The following PRPH variants were observed in gnomAD, a reference collection of about 807,000 sequenced individuals.
The protein encoded by PRPH is peripherin, also known as neurofilament 4 (57kD).
A neutral mutation model predicts 52.6 loss-of-function variants in PRPH; 48 were observed. The ratio of observed to expected loss-of-function variants is 0.91; its 90% CI spans 0.72 to 1.16. The LOEUF (loss-of-function observed/expected upper bound fraction) is 1.16. Ranked by LOEUF, PRPH falls within the 50% of genes most tolerant of loss-of-function variation. PRPH has a pLI of 0.00. For missense variants in PRPH, 579 were observed against 635.7 expected (o/e 0.91, Z 0.96); for synonymous variants, 279 against 283.8 (o/e 0.98, Z 0.17).
At position 49,297,274 on chromosome 12, in the gene PRPH, G is replaced by A. The variant is rs73112142; in HGVS notation, c.996+1G>A. On this transcript the variant is annotated splice_donor_variant, in intron 5 of 8. Transcript: ENST00000257860. LOFTEE classifies it high-confidence loss of function. The surrounding 1 kb of genome is among the most constrained non-coding windows in gnomAD (Gnocchi z 4.4). The stretch of plus-strand genomic sequence containing the variant: ...CGAGGTGGACGGGCTGCGCGGCACG[G>A]TGAGTACGAAGCTGCGCGCTCGGGC... The A allele has an allele frequency of 4.6e-3, 7,348 of 1,613,890 alleles. 34 individuals carry two copies. Among genetic ancestry groups the A allele is most frequent in the Non-Finnish European group, 4.8e-3 (5,650 of 1,179,960 alleles).
chr12:49,296,295 A>G lies in PRPH; in HGVS notation c.606+57A>G, dbSNP rs2137038865. ...CCCCACCGCTACCCCCGATCTCAGT[A>G]TCCAGAGGTGGCATCGGTGGGCGCG... On this transcript the variant is annotated intron_variant, in intron 2 of 8. Coordinates refer to ENST00000257860, the MANE Select transcript of PRPH (RefSeq NM_006262.4). The surrounding 1 kb of genome is among the most constrained non-coding windows in gnomAD (Gnocchi z 5.1). The G allele has an allele frequency of 1.3e-6, 2 of 1,599,934 alleles. No individual in the cohort carries two copies. The highest frequency in any genetic ancestry group is 4.5e-5 in the East Asian group (2 of 44,686).
Position 49,295,413 on chromosome 12 carries a change from G to T in PRPH, c.213G>T (p.Leu71=), listed in dbSNP as rs1223374982. Residue 71 remains leucine (L), a synonymous_variant, in exon 1 of 9, where the codon CTG becomes CTT. Transcript: ENST00000257860. ...RSPRAGAGAL[L]RLPSERLDFS... ...CCCGAGCGGGAGCGGGCGCCCTCCTGCGCCTGCCCTCGGAGCGCCTCGACT... is the reference window on the plus strand; with the variant it reads ...CCCGAGCGGGAGCGGGCGCCCTCCTTCGCCTGCCCTCGGAGCGCCTCGACT... 7 of 1,605,182 alleles carry T rather than the reference G, an allele frequency of 4.4e-6. No individual in the cohort carries two copies. The East Asian group carries it at 1.6e-4, about 36-fold the overall frequency.
At chr12:49,298,124 G>T in intron 8 of PRPH, 87 bp downstream of exon 8, 3 of 1,522,090 alleles carry the variant, frequency 2.0e-6, no homozygotes, top group Non-Finnish European at 9.0e-7. Flanking sequence ...CTTACTTAGG[G>T]TGGGTAATTC....
At position 49,297,531 on chromosome 12, in the gene PRPH, A is replaced by T; in HGVS notation, c.1171A>T (p.Ile391Phe). 6.2e-7 allele frequency: 1 copy of T among 1,604,454 alleles called. No individual in the cohort carries two copies. The change falls in exon 6 of 9, where the codon ATC (isoleucine) becomes TTC (phenylalanine). Residue 391 changes from isoleucine (I) to phenylalanine (F), a missense_variant. Coordinates refer to ENST00000257860, the MANE Select transcript of PRPH (RefSeq NM_006262.4). This position sits in a 1 kb window ranked among gnomAD's most constrained non-coding sequence, Gnocchi z 4.4. ...ELLNVKMALD[I>F]EIATYRKLLE... ...CCTCAACGTCAAGATGGCCCTGGACATCGAGATCGCCACCTACCGCAAGCT... is the reference window on the plus strand; with the variant it reads ...CCTCAACGTCAAGATGGCCCTGGACTTCGAGATCGCCACCTACCGCAAGCT...
chr12:49,297,602 G>C lies in PRPH; in HGVS notation c.1217+25G>C, dbSNP rs761451745. 5 of 1,609,320 alleles carry C rather than the reference G, an allele frequency of 3.1e-6. No homozygotes were observed. The South Asian group carries it at 5.5e-5, about 18-fold the overall frequency. ...GGTGAGGGTGGAGCTGCTGGGGCGG[G>C]GCAGGGCGGGGTCGGGACTGGGCCG... On this transcript the variant is annotated intron_variant, in intron 6 of 8. Transcript: ENST00000257860. This position sits in a 1 kb window ranked among gnomAD's most constrained non-coding sequence, Gnocchi z 4.4.
In PRPH at chr12:49,296,469, A is replaced by G. The variant is rs1943181286; in HGVS notation, c.644A>G (p.Glu215Gly). Residue 215 changes from glutamate to glycine, a missense_variant, in exon 3 of 9, where the codon GAG becomes GGG. Transcript: ENST00000257860. The surrounding 1 kb of genome is among the most constrained non-coding windows in gnomAD (Gnocchi z 5.1). ...DDATLSRLELERKIESLMDEI... is the reference protein window; with the variant it reads ...DDATLSRLELGRKIESLMDEI... ...GCCACTCTGTCCCGCCTGGAACTAG[A>G]GCGCAAGATTGAGTCTCTGATGGAT... 3 of 1,614,142 alleles carry G rather than the reference A, an allele frequency of 1.9e-6. No individual in the cohort carries two copies. Among genetic ancestry groups the G allele is most frequent in the Admixed American group, 1.7e-5 (1 of 60,022 alleles).
rs1943217503 is a variant in PRPH at position 49,298,332 on chromosome 12, G to C, written c.1392G>C (p.Lys464Asn). ...AGGAGCAGCGCAGTGAGCTGGACAA[G>C]TCTTCTGCCCACAGTTACTGAACCC... is the stretch of plus-strand genomic sequence containing the variant. ...SQKEQRSELDKSSAHSY is the reference protein window; with the variant it reads ...SQKEQRSELDNSSAHSY The change falls in exon 9 of 9, where the codon AAG becomes AAC. Residue 464 changes from lysine (K) to asparagine (N), a missense_variant. Coordinates refer to ENST00000257860, the MANE Select transcript of PRPH (RefSeq NM_006262.4). 2 of 1,614,076 alleles carry C rather than the reference G, an allele frequency of 1.2e-6. No homozygotes were observed. Among genetic ancestry groups the C allele is most frequent in the Non-Finnish European group, 1.7e-6 (2 of 1,180,038 alleles).
In PRPH at chr12:49,297,694, A is replaced by G; in HGVS notation, c.1235A>G (p.His412Arg). The change falls in exon 7 of 9, where the codon CAT becomes CGT. Residue 412 changes from histidine (H) to arginine (R), a missense_variant. His to Arg is a conservative substitution (Grantham distance 29). Coordinates refer to ENST00000257860, the MANE Select transcript of PRPH (RefSeq NM_006262.4). The surrounding 1 kb of genome is among the most constrained non-coding windows in gnomAD (Gnocchi z 4.4). ...GCCTCTAGGATCTCCGTGCCCGTCC[A>G]TTCTTTTGCCTCCTTAAATATAAAG... The part of the protein sequence containing the change: ...GEESRISVPV[H>R]SFASLNIKTT... The G allele has an allele frequency of 6.2e-7, 1 of 1,613,700 alleles. No homozygotes were observed. The highest frequency in any genetic ancestry group is 8.5e-7 in the Non-Finnish European group (1 of 1,180,028).
Position 49,296,731 on chromosome 12 carries a change from T to G in PRPH, c.703-158T>G, listed in dbSNP as rs1244320048. ...GGGGCTGTACCTCCGAAACCTGGCC[T>G]CTGGTCTCGCGCCCGCGGGGGCGCA... On this transcript the variant is annotated intron_variant, in intron 3 of 8. Coordinates refer to ENST00000257860, the MANE Select transcript of PRPH (RefSeq NM_006262.4). This position sits in a 1 kb window ranked among gnomAD's most constrained non-coding sequence, Gnocchi z 5.1. 7.8e-7 allele frequency: 1 copy of G among 1,278,392 alleles called. No homozygotes were observed. The allele number at this position is 1,278,392 out of a possible 1,614,324, so 79.2% of individuals were successfully genotyped here.
At position 49,297,046 on chromosome 12, in the gene PRPH, A is replaced by G. The variant is rs372095080; in HGVS notation, c.860A>G (p.Tyr287Cys). ...AACCTGCAGGAGGCGGAGGAGTGGT[A>G]CAAGTCCAAGGTGCAAGAGCCGGGA... ...AKNLQEAEEWYKSKYADLSDA... is the reference protein window; with the variant it reads ...AKNLQEAEEWCKSKYADLSDA... The change falls in exon 4 of 9, where the codon TAC becomes TGC. Residue 287 changes from tyrosine to cysteine, a missense_variant. Transcript: ENST00000257860. The surrounding 1 kb of genome is among the most constrained non-coding windows in gnomAD (Gnocchi z 4.4). 7 of 1,613,740 alleles carry G rather than the reference A, an allele frequency of 4.3e-6. No individual in the cohort carries two copies. The African/African-American group carries it at 5.3e-5, about 12-fold the overall frequency.
In PRPH at chr12:49,295,451, A is replaced by C; in HGVS notation, c.251A>C (p.Glu84Ala). 1 of 1,607,998 alleles carries C rather than the reference A, an allele frequency of 6.2e-7. No homozygotes were observed. Among genetic ancestry groups the C allele is most frequent in the Non-Finnish European group, 8.5e-7 (1 of 1,177,896 alleles). The part of the protein sequence containing the change: ...PSERLDFSMA[E>A]ALNQEFLATR... ...GAGCGCCTCGACTTCTCCATGGCCG[A>C]GGCCCTCAACCAGGAGTTCCTGGCC... The change falls in exon 1 of 9, where the codon GAG (glutamate) becomes GCG (alanine). Residue 84 changes from glutamate to alanine, a missense_variant. Coordinates refer to ENST00000257860, the MANE Select transcript of PRPH (RefSeq NM_006262.4).
chr12:49,297,932 T>A lies in PRPH; in HGVS notation c.1268-26T>A, dbSNP rs767811861. On this transcript the variant is annotated intron_variant, in intron 7 of 8. Transcript: ENST00000257860. The surrounding 1 kb of genome is among the most constrained non-coding windows in gnomAD (Gnocchi z 4.4). ...GGAGAGATTCCCACGCCTTCCCCCT[T>A]GAACCCTTTATCCTGCTTTCTTCAG... 39 of 1,613,162 alleles carry A rather than the reference T, an allele frequency of 2.4e-5. No homozygotes were observed. Among genetic ancestry groups the A allele is most frequent in the Non-Finnish European group, 3.1e-5 (37 of 1,179,278 alleles).
In PRPH at chr12:49,295,288, G is replaced by C; in HGVS notation, c.88G>C (p.Gly30Arg). The C allele has an allele frequency of 6.2e-7, 1 of 1,611,672 alleles. No individual in the cohort carries two copies. Residue 30 changes from glycine (G) to arginine (R), a missense_variant, in exon 1 of 9, where the codon GGG becomes CGG. Physicochemically the swap from Gly to Arg is moderately radical, Grantham distance 125. Coordinates refer to ENST00000257860, the MANE Select transcript of PRPH (RefSeq NM_006262.4). ...CGGTCCACCGCCCTCACTATCCCCC[G>C]GGGCCTTCTCCTACTCGTCCAGCTC... ...TFGPPPSLSP[G>R]AFSYSSSSRF...
rs751922357 is a variant in PRPH, at chr12:49,295,401, G to A, written c.201G>A (p.Ala67=). ...GCTTCCGTAGCCCCCGAGCGGGAGCGGGCGCCCTCCTGCGCCTGCCCTCGG... is the reference window on the plus strand; with the variant it reads ...GCTTCCGTAGCCCCCGAGCGGGAGCAGGCGCCCTCCTGCGCCTGCCCTCGG... ...LGSFRSPRAG[A]GALLRLPSER... The change falls in exon 1 of 9, where the codon GCG becomes GCA. Residue 67 remains alanine, a synonymous_variant. Transcript: ENST00000257860. 2 of 1,605,654 alleles carry A rather than the reference G, an allele frequency of 1.2e-6. No homozygotes were observed. The highest frequency in any genetic ancestry group is 1.1e-5 in the South Asian group (1 of 89,950).
Position 49,297,668 on chromosome 12 carries a change from C to A in PRPH, c.1218-9C>A. ...GGGCAGGGGCGCTGACAACTTGCTT[C>A]GCCTCTAGGATCTCCGTGCCCGTCC... On this transcript the variant is annotated splice_polypyrimidine_tract_variant and intron_variant, in intron 6 of 8. Coordinates refer to ENST00000257860, the MANE Select transcript of PRPH (RefSeq NM_006262.4). This position sits in a 1 kb window ranked among gnomAD's most constrained non-coding sequence, Gnocchi z 4.4. 1 of 1,613,534 alleles carries A rather than the reference C, an allele frequency of 6.2e-7. No individual in the cohort carries two copies.
chr12:49,295,795 C>T (rs556077889), intron 1 of PRPH, 50 bp downstream of exon 1: 2 of 1,437,186 alleles, frequency 1.4e-6, no homozygotes, highest in South Asian at 3.0e-5. Flanking sequence ...TCGAAGCGGC[C>T]GTCGAGGCGG....
Position 49,297,937 on chromosome 12 carries a change from C to T in PRPH, c.1268-21C>T, listed in dbSNP as rs1254366615. 5 of 1,613,496 alleles carry T rather than the reference C, an allele frequency of 3.1e-6. No individual in the cohort carries two copies. The African/African-American group carries it at 5.3e-5, about 17-fold the overall frequency. Reference sequence around the variant, plus strand: ...GATTCCCACGCCTTCCCCCTTGAACCCTTTATCCTGCTTTCTTCAGTGCCT... The same window carrying T: ...GATTCCCACGCCTTCCCCCTTGAACTCTTTATCCTGCTTTCTTCAGTGCCT... On this transcript the variant is annotated intron_variant, in intron 7 of 8. Coordinates refer to ENST00000257860, the MANE Select transcript of PRPH (RefSeq NM_006262.4). This position sits in a 1 kb window ranked among gnomAD's most constrained non-coding sequence, Gnocchi z 4.4.
rs1266845121 is a variant in PRPH, at chr12:49,295,722, GGACC to G, written c.523_526del (p.Asp175TrpfsTer39). ...AGGTGGAGCGCGACGGGCTGGCGGAGGACCTGGCGGCGCTCAAGCAGAGGTCAGG... is the reference window on the plus strand; with the variant it reads ...AGGTGGAGCGCGACGGGCTGGCGGAGTGGCGGCGCTCAAGCAGAGGTCAGG... On this transcript the variant is annotated frameshift_variant, in exon 1 of 9. Coordinates refer to ENST00000257860, the MANE Select transcript of PRPH (RefSeq NM_006262.4). LOFTEE classifies it high-confidence loss of function. 9.9e-6 allele frequency: 15 copies of G among 1,519,842 alleles called. No homozygotes were observed. The highest frequency in any genetic ancestry group is 1.3e-5 in the Non-Finnish European group (15 of 1,139,822). The allele number at this position is 1,519,842 out of a possible 1,614,324, so 94.1% of individuals were successfully genotyped here.
In PRPH at chr12:49,296,626, A is replaced by T; in HGVS notation, c.702+99A>T. The T allele has an allele frequency of 8.1e-7, 1 of 1,228,392 alleles. No homozygotes were observed. Among genetic ancestry groups the T allele is most frequent in the Non-Finnish European group, 1.2e-6 (1 of 851,996 alleles). The allele number at this position is 1,228,392 out of a possible 1,614,324, so 76.1% of individuals were successfully genotyped here. A position where few individuals can be genotyped will look rare whatever the true frequency, so the allele number is the denominator to read the frequency against. ...AGGCATCGCCCTGGGGATCAGGACG[A>T]TGCTGGGTAGACGCAGCCCCTCCAC... On this transcript the variant is annotated intron_variant, in intron 3 of 8. Transcript: ENST00000257860. The surrounding 1 kb of genome is among the most constrained non-coding windows in gnomAD (Gnocchi z 5.1).
Sources: gnomAD v4.1 joint callset for allele counts on GRCh38, gnomAD v4.1.1 for gene constraint, Gnocchi (gnomAD v3.1) non-coding constraint, MANE v1.5 for transcripts, NCBI Gene and HGNC (gene_info 2026-07-23, HGNC 2026-07-21) for gene names.